SLC25A33: variants seen among roughly 807,000 people sequenced by gnomAD.
The protein encoded by SLC25A33 is bone marrow stromal cell mitochondrial carrier protein.
Under a neutral mutation model 35.5 loss-of-function variants are expected in SLC25A33, and 15 were observed. That is an observed-to-expected ratio of 0.42 (90% CI 0.28 to 0.65). The LOEUF is 0.65. SLC25A33 is among the 30% of genes least tolerant of loss of function. The probability of loss-of-function intolerance (pLI) is 0.20; values close to 1 mark genes in which losing one functional copy is unlikely to be tolerated. For missense variants in SLC25A33, 257 were observed against 398.5 expected, an observed-to-expected ratio of 0.64 and a Z score of 3.02; for synonymous variants, 136 against 148.7, an observed-to-expected ratio of 0.91 and a Z score of 0.62.
chr1:9,562,762 A>C (rs1375643765), intron 2 of SLC25A33, among the ~76,000 whole-genome samples: 2 of 150,794 alleles, frequency 1.3e-5, no homozygotes, highest in Non-Finnish European at 3.0e-5. Context: ...CTGAGGCAGG[A>C]GAATCACTTG....
rs530903597 is a variant in SLC25A33 at position 9,556,620 on chromosome 1, T to C, written c.236+2815T>C. Among the ~76,000 whole-genome samples, 189 of 152,284 alleles carry C rather than the reference T, an allele frequency of 1.2e-3. 2 individuals carry two copies. The highest frequency in any genetic ancestry group is 4.3e-3 in the African/African-American group (179 of 41,520). The stretch of plus-strand genomic sequence containing the variant: ...GATTTTAGAACATTTTGGATTCTTA[T>C]GGCTTTCTAATCTCCAGTAAATCCA... On this transcript the variant is annotated intron_variant, in intron 2 of 6. Coordinates refer to ENST00000302692, the MANE Select transcript of SLC25A33 (RefSeq NM_032315.3).
intron 6 of SLC25A33, among the ~76,000 whole-genome samples, chr1:9,581,882 G>A (rs899273610): frequency 1.2e-4 from 19 of 152,086 alleles, no homozygotes; most frequent in South Asian, 2.1e-4. Context: ...TACAGCTGAG[G>A]TGGGAAATAG....
intron 2 of SLC25A33, among the ~76,000 whole-genome samples, chr1:9,557,910 A>C (rs1643368795): frequency 6.6e-6 from 1 of 152,212 alleles, no homozygotes; most frequent in Non-Finnish European, 1.5e-5. Context: ...GTCAAAAAAA[A>C]GAAAGATTCT....
chr1:9,550,663 TATTAATTA>T (rs751160955), intron 1 of SLC25A33, among the ~76,000 whole-genome samples: 6 of 151,996 alleles, frequency 3.9e-5, no homozygotes, highest in Non-Finnish European at 5.9e-5. Flanking sequence ...TTTTTATTTT[TATTAATTA>T]ATTAATTAAT....
intron 2 of SLC25A33, chr1:9,556,210 T>C (rs1388261516): frequency 1.0e-6 from 1 of 985,300 alleles, no homozygotes. Context: ...GTGACACCTT[T>C]CTTCTAAGGA....
rs1643787437 is a variant in SLC25A33, at chr1:9,584,942, A to G, written c.*2441A>G. The G allele has an allele frequency of 6.6e-6, 1 of 152,060 alleles. No homozygotes were observed. The highest frequency in any genetic ancestry group is 2.4e-5 in the African/African-American group (1 of 41,404). 9.4% of individuals were successfully genotyped at this position (152,060 alleles called of 1,614,324 possible). Reference sequence around the variant, plus strand: ...ATGTTGTCCAGGCTGGTCTCAGACTACTGGCCAGAAGCGATCTTACCTCCT... The same window carrying G: ...ATGTTGTCCAGGCTGGTCTCAGACTGCTGGCCAGAAGCGATCTTACCTCCT... On this transcript the variant is annotated 3_prime_UTR_variant, in exon 7 of 7. Coordinates refer to ENST00000302692, the MANE Select transcript of SLC25A33 (RefSeq NM_032315.3).
chr1:9,539,698 A>G lies in SLC25A33; in HGVS notation c.7A>G (p.Thr3Ala). Residue 3 changes from threonine (T) to alanine (A), a missense_variant, in exon 1 of 7, where the codon ACG becomes GCG. Physicochemically the swap from Thr to Ala is moderately conservative, Grantham distance 58. Transcript: ENST00000302692. ...CCGCGGAGCCGGCGCGGCCATGGCG[A>G]CGGGCGGCCAGCAGAAGGAGAACAC... MA[T>A]GGQQKENTLL... The G allele has an allele frequency of 7.2e-7, 1 of 1,389,840 alleles. No homozygotes were observed. The highest frequency in any genetic ancestry group is 9.3e-7 in the Non-Finnish European group (1 of 1,070,878). 86.1% of individuals were successfully genotyped at this position (1,389,840 alleles called of 1,614,324 possible). A position where few individuals can be genotyped will look rare whatever the true frequency, so the allele number is the denominator to read the frequency against.
chr1:9,554,094 G>A (rs1183105149), intron 2 of SLC25A33, among the ~76,000 whole-genome samples: 1 of 152,158 alleles, frequency 6.6e-6, no homozygotes, highest in Non-Finnish European at 1.5e-5. Flanking sequence ...CTTGCTCAAA[G>A]CTTTTGAGGG....
intron 2 of SLC25A33, among the ~76,000 whole-genome samples, chr1:9,557,250 G>T (rs1462349412): frequency 6.6e-6 from 1 of 152,138 alleles, no homozygotes; most frequent in Non-Finnish European, 1.5e-5. Flanking sequence ...TTTTAAATCA[G>T]TTTATTTTAT....
At chr1:9,553,556 A>G (rs1643299229) in intron 1 of SLC25A33, 70 bp from the exon 2 acceptor site, 1 of 1,555,324 alleles carries the variant, frequency 6.4e-7, no homozygotes, top group African/African-American at 1.4e-5. Context: ...AAGAGAGAAA[A>G]GCTAAGCTTA....
At chr1:9,547,348 G>A (rs913058580) in intron 1 of SLC25A33, among the ~76,000 whole-genome samples, 13 of 152,204 alleles carry the variant, frequency 8.5e-5, no homozygotes, top group Admixed American at 3.3e-4. Flanking sequence ...CAGCTACCCC[G>A]GAGGCTGAGG....
chr1:9,573,313 A>G, intron 4 of SLC25A33, 33 bp from the exon 5 acceptor site: 5 of 1,455,968 alleles, frequency 3.4e-6, no homozygotes, highest in Non-Finnish European at 4.8e-6. Context: ...GACTATGTAC[A>G]GTGTTGACCT....
intron 5 of SLC25A33, among the ~76,000 whole-genome samples, chr1:9,577,593 G>A (rs1051792779): frequency 6.6e-6 from 1 of 152,190 alleles, no homozygotes; most frequent in African/African-American, 2.4e-5. Flanking sequence ...AGGGAGTTAT[G>A]GAAGAATAAG....
intron 4 of SLC25A33, among the ~76,000 whole-genome samples, chr1:9,571,916 C>T (rs1643595931): frequency 6.6e-6 from 1 of 152,178 alleles, no homozygotes; most frequent in Non-Finnish European, 1.5e-5. Context: ...GCTGGGATCG[C>T]AGGCATAAGC....
At chr1:9,540,459 C>T (rs1643062789) in intron 1 of SLC25A33, among the ~76,000 whole-genome samples, 1 of 152,042 alleles carries the variant, frequency 6.6e-6, no homozygotes, top group African/African-American at 2.4e-5. Flanking sequence ...CCAGCGGAGA[C>T]AATGCATTTT....
intron 2 of SLC25A33, among the ~76,000 whole-genome samples, chr1:9,554,917 G>C (rs1473357193): frequency 6.6e-6 from 1 of 152,074 alleles, no homozygotes; most frequent in Non-Finnish European, 1.5e-5. Flanking sequence ...CTTGTACTTT[G>C]AGATGCTCTA....
chr1:9,564,765 T>TATATATATATATATATATATAC lies in SLC25A33; in HGVS notation c.237-2518_237-2517insTATATATATATATATATATACA, dbSNP rs59741987. ...ATATATATATATATATATATATATA[T>TATATATATATATATATATATAC]ACACAAAAATTAGCTGAGCGTGGTG... On this transcript the variant is annotated intron_variant, in intron 2 of 6. Coordinates refer to ENST00000302692, the MANE Select transcript of SLC25A33 (RefSeq NM_032315.3). Among the ~76,000 whole-genome samples, 95 of 114,624 alleles carry TATATATATATATATATATATAC rather than the reference T, an allele frequency of 8.3e-4. 2 individuals are homozygous for TATATATATATATATATATATAC. The highest frequency in any genetic ancestry group is 2.2e-3 in the South Asian group (7 of 3,156). 75.2% of individuals were successfully genotyped at this position (114,624 alleles called of 152,430 possible). A position where few individuals can be genotyped will look rare whatever the true frequency, so the allele number is the denominator to read the frequency against.
chr1:9,580,260 A>G, intron 6 of SLC25A33, 26 bp downstream of exon 6: 1 of 1,605,016 alleles, frequency 6.2e-7, no homozygotes, highest in Non-Finnish European at 8.5e-7. Context: ...GTTCTTCCAG[A>G]GCAGTAAAAC....
intron 1 of SLC25A33, among the ~76,000 whole-genome samples, chr1:9,552,081 T>C (rs573162295): frequency 6.6e-6 from 1 of 152,316 alleles, no homozygotes; most frequent in South Asian, 2.1e-4. Context: ...TATCTCGATA[T>C]GAATATAAGG....
Sources: allele counts gnomAD v4.1 joint callset (sites outside exome capture counted in the v4.1 genomes callset), GRCh38; gene constraint gnomAD v4.1.1; transcripts MANE v1.5; gene names NCBI Gene and HGNC (gene_info 2026-07-23, HGNC 2026-07-21).